The following FYB1 variants were observed in gnomAD, a reference collection of about 807,000 sequenced individuals.
FYB1 encodes FYN-binding protein 1.
In FYB1, 41 loss-of-function variants were observed where a neutral mutation model predicts 94.1. The ratio of observed to expected loss-of-function variants is 0.44; its 90% CI spans 0.34 to 0.57. The LOEUF is 0.57. FYB1 is among the 20% of genes least tolerant of loss of function. The probability of loss-of-function intolerance (pLI) is 0.02; values close to 1 mark genes in which losing one functional copy is unlikely to be tolerated. For synonymous variants in FYB1, 367 were observed against 353.2 expected, an observed-to-expected ratio of 1.04 and a Z score of -0.44; for missense variants, 1,050 against 976.8, an observed-to-expected ratio of 1.07 and a Z score of -1.00.
rs578026435 is a variant in FYB1, at chr5:39,219,563, C to G, written c.-148G>C. The G allele has an allele frequency of 1.0e-6, 1 of 985,304 alleles. No individual in the cohort carries two copies. The highest frequency in any genetic ancestry group is 1.7e-5 in the African/African-American group (1 of 57,198). The allele number at this position is 985,304 out of a possible 1,614,324, so 61.0% of individuals were successfully genotyped here. On this transcript the variant is annotated 5_prime_UTR_variant, in exon 1 of 19. Transcript: ENST00000512982. The stretch of plus-strand genomic sequence containing the variant: ...CTCTGCATGTGGAACTCAAGAACTG[C>G]GGAGCTTTCTGATGCCTGGCAGGGT...
chr5:39,235,589 T>C (rs1750923396), intron 1 of FYB1, among the ~76,000 whole-genome samples: 1 of 151,096 alleles, frequency 6.6e-6, no homozygotes, highest in African/African-American at 2.4e-5. Context: ...TTTTTTTTGG[T>C]ATTGTGATGC....
At chr5:39,117,794 A>G (rs1354608077) in intron 16 of FYB1, among the ~76,000 whole-genome samples, 1 of 152,214 alleles carries the variant, frequency 6.6e-6, no homozygotes, top group Non-Finnish European at 1.5e-5. Flanking sequence ...CAAATATAAG[A>G]CAATGTAATT....
At chr5:39,264,661 C>T (rs976613708) in intron 1 of FYB1, among the ~76,000 whole-genome samples, 10 of 152,154 alleles carry the variant, frequency 6.6e-5, no homozygotes, top group Admixed American at 2.6e-4. Context: ...TTACCCCATG[C>T]CCAACTCATT....
intron 1 of FYB1, among the ~76,000 whole-genome samples, chr5:39,217,239 A>T (rs941428908): frequency 5.9e-5 from 9 of 152,252 alleles, no homozygotes; most frequent in Non-Finnish European, 1.3e-4. Context: ...GAACAATTTC[A>T]ATTAGAAGCC....
intron 2 of FYB1, among the ~76,000 whole-genome samples, chr5:39,187,645 A>T (rs2150446858): frequency 6.6e-6 from 1 of 152,304 alleles, no homozygotes; most frequent in South Asian, 2.1e-4. Flanking sequence ...AAGGGGTATC[A>T]CCAAGCATGG....
At position 39,122,382 on chromosome 5, in the gene FYB1, C is replaced by T. The variant is rs763053179; in HGVS notation, c.2092G>A (p.Asp698Asn). 12 of 1,579,230 alleles carry T rather than the reference C, an allele frequency of 7.6e-6. 1 individual carries two copies. The highest frequency in any genetic ancestry group is 3.5e-5 in the South Asian group (3 of 86,450). ...KQLDMGDEVY[D>N]DVDTSDFPVS... ...GGGAAATCAGAGGTATCCACATCAT[C>T]GTAAACTTCATCTCCCATGTCTAAC... Residue 698 changes from aspartate (D) to asparagine (N), a missense_variant, in exon 14 of 19, where the codon GAT becomes AAT. By Grantham distance (23) the Asp-to-Asn change is conservative. Transcript: ENST00000512982.
intron 1 of FYB1, among the ~76,000 whole-genome samples, chr5:39,205,005 G>A (rs1290576344): frequency 1.3e-5 from 2 of 152,152 alleles, no homozygotes; most frequent in African/African-American, 2.4e-5. Context: ...GGGAGAATTT[G>A]GGTGCTTGGG....
chr5:39,206,739 C>T (rs967088113), intron 1 of FYB1, among the ~76,000 whole-genome samples: 4 of 152,206 alleles, frequency 2.6e-5, no homozygotes, highest in Non-Finnish European at 5.9e-5. Flanking sequence ...CCCTAGTTCT[C>T]TCTAGAGGCA....
intron 2 of FYB1, among the ~76,000 whole-genome samples, chr5:39,160,303 C>T (rs1744132913): frequency 6.6e-6 from 1 of 152,150 alleles, no homozygotes; most frequent in Non-Finnish European, 1.5e-5. Flanking sequence ...ATTGATCTGG[C>T]TGTCCCATTC....
chr5:39,136,754 T>C (rs1008735294), intron 7 of FYB1, among the ~76,000 whole-genome samples: 3 of 152,214 alleles, frequency 2.0e-5, no homozygotes, highest in Non-Finnish European at 4.4e-5. Context: ...TTTGCTTTAA[T>C]GCAATAAATA....
chr5:39,130,805 C>G (rs954671133), intron 9 of FYB1, among the ~76,000 whole-genome samples, 193 bp from the exon 10 acceptor site: 8 of 151,996 alleles, frequency 5.3e-5, no homozygotes, highest in African/African-American at 1.9e-4. Flanking sequence ...CAAAACAAAA[C>G]AAATAAAAAC....
At chr5:39,237,894 T>G (rs1173226766) in intron 1 of FYB1, among the ~76,000 whole-genome samples, 1 of 152,138 alleles carries the variant, frequency 6.6e-6, no homozygotes, top group African/African-American at 2.4e-5. Flanking sequence ...ATTAATAGAT[T>G]CGTATGAACC....
rs189635107 is a variant in FYB1 at position 39,186,360 on chromosome 5, G to C, written c.1135+15466C>G. On this transcript the variant is annotated intron_variant, in intron 2 of 18. Coordinates refer to ENST00000512982, the MANE Select transcript of FYB1 (RefSeq NM_001465.6). ...AATCACTTGAACCTGGGAAGCAGAG[G>C]TTGCAGTGAGCCAATATAGTGCCGC... Among the ~76,000 whole-genome samples, 1,188 of 152,208 alleles carry C rather than the reference G, an allele frequency of 7.8e-3. 15 individuals carry two copies. The highest frequency in any genetic ancestry group is 0.012 in the Non-Finnish European group (806 of 68,008).
In FYB1 at chr5:39,138,806, C is replaced by G. The variant is rs892502032; in HGVS notation, c.1360-115G>C. 1.5e-5 allele frequency: 11 copies of G among 715,134 alleles called. No individual in the cohort carries two copies. In the East Asian group the frequency reaches 1.9e-4, roughly 13 times the overall value. The allele number at this position is 715,134 out of a possible 1,614,324, so 44.3% of individuals were successfully genotyped here. ...CAATGTAAATTTTTATAATTTGAAC[C>G]ACATATTAAATGGTCCAGAGGAATA... On this transcript the variant is annotated intron_variant, in intron 5 of 18. Coordinates refer to ENST00000512982, the MANE Select transcript of FYB1 (RefSeq NM_001465.6).
At chr5:39,139,300 A>G (rs1325019485) in intron 4 of FYB1, 48 bp from the exon 5 acceptor site, 1 of 1,344,230 alleles carries the variant, frequency 7.4e-7, no homozygotes, top group Admixed American at 2.4e-5. Context: ...ATAAGGAAGC[A>G]CTTTAATGTA....
At chr5:39,263,750 G>A (rs988213440) in intron 1 of FYB1, among the ~76,000 whole-genome samples, 3 of 152,094 alleles carry the variant, frequency 2.0e-5, no homozygotes, top group Non-Finnish European at 4.4e-5. Flanking sequence ...CTTGGATGTA[G>A]TCAAATTTGG....
intron 1 of FYB1, among the ~76,000 whole-genome samples, chr5:39,228,017 A>C (rs997846957): frequency 2.0e-5 from 3 of 152,198 alleles, no homozygotes; most frequent in African/African-American, 7.2e-5. Flanking sequence ...CTTGACACAC[A>C]TATAAAGCCC....
At chr5:39,127,694 A>G (rs376001457) in intron 11 of FYB1, 47 bp downstream of exon 11, 13 of 1,510,552 alleles carry the variant, frequency 8.6e-6, no homozygotes, top group Non-Finnish European at 1.1e-5. Context: ...CTAAATTTCA[A>G]TGTATATATA....
At chr5:39,169,315 C>T in intron 2 of FYB1, 2 of 783,454 alleles carry the variant, frequency 2.6e-6, no homozygotes, top group Non-Finnish European at 4.6e-6. Flanking sequence ...AAAACTCATG[C>T]TATGGGGTAT....
Sources: allele counts gnomAD v4.1 joint callset (sites outside exome capture counted in the v4.1 genomes callset), GRCh38; gene constraint gnomAD v4.1.1; transcripts MANE v1.5; gene names NCBI Gene and HGNC (gene_info 2026-07-23, HGNC 2026-07-21).